The following AOPEP variants were observed in gnomAD, a reference collection of about 807,000 sequenced individuals.
The protein encoded by AOPEP is aminopeptidase O.
In AOPEP, 77 loss-of-function variants were observed where a neutral mutation model predicts 98.1. The observed-to-expected ratio is 0.78, with a 90% CI of 0.65 to 0.95. The LOEUF is 0.95. Among genes scored for constraint, AOPEP ranks in the 40% least tolerant of loss-of-function variants. The pLI is 0.00. For missense variants in AOPEP, 1,024 were observed against 1,024.7 expected (o/e 1.00, Z 0.01); for synonymous variants, 346 against 365.3 (o/e 0.95, Z 0.60).
chr9:94,792,953 A>C (rs1372798126), intron 4 of AOPEP, 35 bp downstream of exon 4: 3 of 1,574,106 alleles, frequency 1.9e-6, no homozygotes, highest in East Asian at 2.2e-5. Flanking sequence ...AAGGAAAAAA[A>C]AAAAAACACT....
chr9:94,857,469 C>G (rs548174484), intron 5 of AOPEP, among the ~76,000 whole-genome samples: 4 of 152,272 alleles, frequency 2.6e-5, no homozygotes, highest in African/African-American at 9.6e-5. Flanking sequence ...GATGGCTGCT[C>G]TGGTAGGAGC....
At chr9:94,795,897 A>G (rs1846820978) in intron 4 of AOPEP, among the ~76,000 whole-genome samples, 1 of 152,194 alleles carries the variant, frequency 6.6e-6, no homozygotes, top group African/African-American at 2.4e-5. Context: ...ATAAAAATAA[A>G]GGTTTTATTA....
intron 5 of AOPEP, among the ~76,000 whole-genome samples, chr9:94,872,256 G>A (rs1408049725): frequency 6.6e-6 from 1 of 152,104 alleles, no homozygotes; most frequent in African/African-American, 2.4e-5. Flanking sequence ...ATCTAAACGG[G>A]GGCAGTAGTC....
chr9:95,004,255 G>A (rs1239934994), intron 11 of AOPEP: 3 of 456,732 alleles, frequency 6.6e-6, no homozygotes, highest in South Asian at 4.6e-5. Context: ...GCGGGTGGAG[G>A]AAAATCTTGG....
chr9:94,752,462 C>T (rs1836043535), intron 1 of AOPEP, among the ~76,000 whole-genome samples: 1 of 151,982 alleles, frequency 6.6e-6, no homozygotes, highest in Non-Finnish European at 1.5e-5. Flanking sequence ...TCTTTCTTAT[C>T]AGCAAAAAGA....
At chr9:94,925,800 G>A (rs1448295033) in intron 6 of AOPEP, among the ~76,000 whole-genome samples, 1 of 152,172 alleles carries the variant, frequency 6.6e-6, no homozygotes, top group African/African-American at 2.4e-5. Context: ...CCATTCGTTG[G>A]CTCTGTGAGT....
chr9:94,943,919 C>CAAAAAAA lies in AOPEP; in HGVS notation c.1662-11236_1662-11230dup, dbSNP rs775807087. Reference sequence around the variant, plus strand: ...TGGGCAACAGAGTGAGACTCCATCTCAAAAAAAAAAAAAAAAAAAAAAAAA... The same window carrying CAAAAAAA: ...TGGGCAACAGAGTGAGACTCCATCTCAAAAAAAAAAAAAAAAAAAAAAAAAAAAAAAA... On this transcript the variant is annotated intron_variant, in intron 7 of 16. Coordinates refer to ENST00000375315, the MANE Select transcript of AOPEP (RefSeq NM_001193329.3). Among the ~76,000 whole-genome samples the CAAAAAAA allele has an allele frequency of 4.6e-4, 8 of 17,394 alleles. No homozygotes were observed. The East Asian group carries it at 0.014, about 29-fold the overall frequency. 11.4% of individuals were successfully genotyped at this position (17,394 alleles called of 152,430 possible). A position where few individuals can be genotyped will look rare whatever the true frequency, so the allele number is the denominator to read the frequency against.
At chr9:94,781,992 C>T (rs1843367004) in intron 3 of AOPEP, among the ~76,000 whole-genome samples, 1 of 150,962 alleles carries the variant, frequency 6.6e-6, no homozygotes, top group Non-Finnish European at 1.5e-5. Flanking sequence ...GAGATCGAGA[C>T]CATCCTGCCT....
In AOPEP at chr9:94,911,781, A is replaced by G. The variant is rs116657954; in HGVS notation, c.1365-12205A>G. Among the ~76,000 whole-genome samples the G allele has an allele frequency of 5.0e-3, 769 of 152,348 alleles. 5 individuals carry two copies. The highest frequency in any genetic ancestry group is 0.018 in the African/African-American group (741 of 41,574). ...CCTGGTCTCAGTTCTGTCCCTACTG[A>G]CAGAGCTCTAACTTCATCTTTGCCT... On this transcript the variant is annotated intron_variant, in intron 5 of 16. Coordinates refer to ENST00000375315, the MANE Select transcript of AOPEP (RefSeq NM_001193329.3).
intron 13 of AOPEP, among the ~76,000 whole-genome samples, chr9:95,011,547 C>G (rs994438947): frequency 6.6e-6 from 1 of 152,042 alleles, no homozygotes; most frequent in African/African-American, 2.4e-5. Flanking sequence ...TGGTAACTCA[C>G]GCCTGTAATC....
chr9:94,822,168 C>G (rs565971164), intron 5 of AOPEP, among the ~76,000 whole-genome samples: 1 of 152,326 alleles, frequency 6.6e-6, no homozygotes, highest in African/African-American at 2.4e-5. Context: ...GAGAACATGG[C>G]AGACGAGCTG....
intron 13 of AOPEP, among the ~76,000 whole-genome samples, chr9:95,034,574 G>A (rs2064610860): frequency 6.6e-6 from 1 of 152,246 alleles, no homozygotes; most frequent in African/African-American, 2.4e-5. Flanking sequence ...ACTCTACTTG[G>A]ATATTAATAA....
chr9:95,041,697 G>A (rs572882834), intron 13 of AOPEP, among the ~76,000 whole-genome samples: 54 of 152,178 alleles, frequency 3.5e-4, no homozygotes, highest in Admixed American at 6.5e-4. Flanking sequence ...AACTGGAATC[G>A]CTCTTAGATT....
chr9:94,787,871 G>A (rs920871445), intron 3 of AOPEP, among the ~76,000 whole-genome samples: 6 of 151,642 alleles, frequency 4.0e-5, no homozygotes, highest in African/African-American at 9.7e-5. Flanking sequence ...TACCTCTTTC[G>A]GCTGATTACT....
chr9:94,799,901 G>A (rs546958014), intron 4 of AOPEP, among the ~76,000 whole-genome samples: 8 of 152,032 alleles, frequency 5.3e-5, no homozygotes, highest in Admixed American at 5.2e-4. Context: ...TGATTAGAGG[G>A]GTTTTTCATT....
Position 94,818,723 on chromosome 9 carries a change from G to A in AOPEP, c.1364+17721G>A, listed in dbSNP as rs72746560. ...TTAATAACAAATAAAGGCCGGGCGC[G>A]GTGGCTCACGCCTGTAATCCCAGCA... On this transcript the variant is annotated intron_variant, in intron 5 of 16. Transcript: ENST00000375315. 5.3e-3 allele frequency among the ~76,000 whole-genome samples: 803 copies of A among 152,178 alleles called. 12 individuals carry two copies. Among genetic ancestry groups the A allele is most frequent in the South Asian group, 0.043 (209 of 4,814 alleles).
rs529443835 is a variant in AOPEP at position 94,759,308 on chromosome 9, G to C, written c.-135-341G>C. Among the ~76,000 whole-genome samples, 214 of 152,322 alleles carry C rather than the reference G, an allele frequency of 1.4e-3. 2 individuals are homozygous for C. The highest frequency in any genetic ancestry group is 4.8e-3 in the African/African-American group (199 of 41,576). On this transcript the variant is annotated intron_variant, in intron 1 of 16. Coordinates refer to ENST00000375315, the MANE Select transcript of AOPEP (RefSeq NM_001193329.3). ...TCTTTTGATGCACAAAATTAGAAGG[G>C]ATACATTTAATATCTTTTAAGACTA...
intron 13 of AOPEP, among the ~76,000 whole-genome samples, chr9:95,056,046 G>C (rs964769054): frequency 9.8e-5 from 15 of 152,300 alleles, no homozygotes; most frequent in African/African-American, 3.6e-4. Context: ...ACTGGAGAGG[G>C]GGAGGCCGTG....
chr9:95,132,667 ACTTTT>A, the AOPEP span, among the ~76,000 whole-genome samples: 15 of 152,120 alleles, frequency 9.9e-5, no homozygotes, highest in East Asian at 1.9e-4. Flanking sequence ...GGTTTTGAAA[ACTTTT>A]CTTTTATTTT....
Sources: allele counts gnomAD v4.1 joint callset (sites outside exome capture counted in the v4.1 genomes callset), GRCh38; gene constraint gnomAD v4.1.1; transcripts MANE v1.5; gene names NCBI Gene and HGNC (gene_info 2026-07-23, HGNC 2026-07-21).